Variants in FH observed in about 807,000 individuals in gnomAD.
FH encodes the protein fumarate hydratase, also known as fumarate hydratase, mitochondrial.
A neutral mutation model predicts 49.4 loss-of-function variants in FH; 22 were observed. That is an observed-to-expected ratio of 0.45 (90% CI 0.32 to 0.64). The LOEUF (loss-of-function observed/expected upper bound fraction) is 0.64. Among genes scored for constraint, FH ranks in the 30% least tolerant of loss-of-function variants. FH has a pLI of 0.05. For synonymous variants in FH, 208 were observed against 223.0 expected (o/e 0.93, Z 0.60); for missense variants, 526 against 641.5 (o/e 0.82, Z 1.95).
At chr1:241,507,539 A>T (rs905342291) in intron 5 of FH, among the ~76,000 whole-genome samples, 1 of 152,208 alleles carries the variant, frequency 6.6e-6, no homozygotes, top group Non-Finnish European at 1.5e-5. Flanking sequence ...AATGCTTCTG[A>T]TAAAGTCAAA....
chr1:241,513,371 G>GA (rs1366562513), intron 3 of FH, among the ~76,000 whole-genome samples: 2 of 152,008 alleles, frequency 1.3e-5, no homozygotes, highest in Non-Finnish European at 2.9e-5. Context: ...ATAAATTAAG[G>GA]AAAGTCAAAA....
At chr1:241,513,481 C>T in intron 3 of FH, 122 bp downstream of exon 3, 1 of 815,892 alleles carries the variant, frequency 1.2e-6, no homozygotes, top group Non-Finnish European at 2.2e-6. Flanking sequence ...TGCTACCACC[C>T]TCCCCTGAAA....
chr1:241,508,114 G>A (rs940079317), intron 5 of FH, among the ~76,000 whole-genome samples: 1 of 152,086 alleles, frequency 6.6e-6, no homozygotes, highest in Non-Finnish European at 1.5e-5. Context: ...TACTAATTTA[G>A]GTAAGAAAGA....
At chr1:241,511,877 T>C in intron 4 of FH, 90 bp downstream of exon 4, 2 of 1,284,568 alleles carry the variant, frequency 1.6e-6, no homozygotes, top group South Asian at 1.2e-5. Flanking sequence ...TGAACACTTC[T>C]TGTCAAAAAG....
intron 6 of FH, among the ~76,000 whole-genome samples, 166 bp downstream of exon 6, chr1:241,505,837 A>G (rs543350626): frequency 3.9e-5 from 6 of 152,364 alleles, no homozygotes; most frequent in Admixed American, 2.0e-4. Context: ...TAAAAGGCAA[A>G]TAATTAACAT....
At chr1:241,508,930 G>C in intron 4 of FH, 145 bp from the exon 5 acceptor site, 1 of 654,220 alleles carries the variant, frequency 1.5e-6, no homozygotes, top group East Asian at 2.7e-5. Context: ...GCATGTCATA[G>C]GTGAGTTATT....
intron 6 of FH, among the ~76,000 whole-genome samples, chr1:241,504,912 CTTTTTTT>C (rs780370447): frequency 3.6e-5 from 5 of 138,538 alleles, no homozygotes; most frequent in Non-Finnish European, 7.9e-5. Flanking sequence ...TACCTTTTTT[CTTTTTTT>C]TTTTTTTGAG....
At chr1:241,512,302 T>G (rs1274277539) in intron 3 of FH, among the ~76,000 whole-genome samples, 159 bp from the exon 4 acceptor site, 1 of 152,184 alleles carries the variant, frequency 6.6e-6, no homozygotes, top group East Asian at 1.9e-4. Flanking sequence ...CTATAGTGAA[T>G]GGTATGACAA....
At chr1:241,511,307 A>AGT (rs1660077165) in intron 4 of FH, among the ~76,000 whole-genome samples, 1 of 152,246 alleles carries the variant, frequency 6.6e-6, no homozygotes, top group Non-Finnish European at 1.5e-5. Flanking sequence ...TGAATTGGCC[A>AGT]GTGGCCTGAC....
intron 8 of FH, 74 bp from the exon 9 acceptor site, chr1:241,500,664 T>G: frequency 6.4e-7 from 1 of 1,566,198 alleles, no homozygotes; most frequent in Non-Finnish European, 8.7e-7. Flanking sequence ...ACATGTTTTT[T>G]GTCCAATAAC....
chr1:241,498,002 TTAGC>T, intron 9 of FH, 32 bp from the exon 10 acceptor site: 1 of 1,612,494 alleles, frequency 6.2e-7, no homozygotes, highest in Non-Finnish European at 8.5e-7. Flanking sequence ...GACATATGGG[TTAGC>T]AGTGATATTT....
rs1250096728 is a variant in FH at position 241,517,219 on chromosome 1, A to G, written c.230T>C (p.Met77Thr). ...YYGAQTVRSTMNFKIGGVTER... is the reference protein window; with the variant it reads ...YYGAQTVRSTTNFKIGGVTER... ...TGTCACACCTCCAATCTTAAAGTTCATCGTAGATCTCACGGTCTGGGCGCC... is the reference window on the plus strand; with the variant it reads ...TGTCACACCTCCAATCTTAAAGTTCGTCGTAGATCTCACGGTCTGGGCGCC... Residue 77 changes from methionine to threonine, a missense_variant, in exon 2 of 10, where the codon ATG becomes ACG. This residue lies in a region of FH where 143 missense variants were observed against 127.5 expected (regional missense o/e 1.12). Coordinates refer to ENST00000366560, the MANE Select transcript of FH (RefSeq NM_000143.4). 1.2e-6 allele frequency: 2 copies of G among 1,613,934 alleles called. No homozygotes were observed. Among genetic ancestry groups the G allele is most frequent in the African/African-American group, 2.7e-5 (2 of 74,936 alleles).
intron 9 of FH, among the ~76,000 whole-genome samples, chr1:241,499,179 A>G (rs1316163291): frequency 6.6e-6 from 1 of 152,188 alleles, no homozygotes; most frequent in Non-Finnish European, 1.5e-5. Flanking sequence ...CATAATGAGA[A>G]TATAGGGAAC....
chr1:241,508,874 T>C, intron 4 of FH, 89 bp from the exon 5 acceptor site: 1 of 1,151,676 alleles, frequency 8.7e-7, no homozygotes, highest in Non-Finnish European at 1.3e-6. Flanking sequence ...ATTAAAAAAC[T>C]CTCCAACTAA....
chr1:241,508,899 G>T, intron 4 of FH, 114 bp from the exon 5 acceptor site: 1 of 821,460 alleles, frequency 1.2e-6, no homozygotes, highest in Non-Finnish European at 1.9e-6. Flanking sequence ...TCAAAACCCA[G>T]CTCAGTTACA....
In FH at chr1:241,503,854, C is replaced by A. The variant is rs114855228; in HGVS notation, c.1108+188G>T. On this transcript the variant is annotated intron_variant, in intron 7 of 9. Transcript: ENST00000366560. ...GAAATACTTGCTGCTAAGTCAGATT[C>A]TTTCTTCCTATCTTGTCAGGTGACG... 6.7e-3 allele frequency among the ~76,000 whole-genome samples: 1,023 copies of A among 152,380 alleles called. 5 individuals carry two copies. Among genetic ancestry groups the A allele is most frequent in the South Asian group, 0.011 (51 of 4,832 alleles).
At chr1:241,500,317 A>T in intron 9 of FH, 120 bp downstream of exon 9, 1 of 953,448 alleles carries the variant, frequency 1.0e-6, no homozygotes, top group Non-Finnish European at 1.7e-6. Context: ...TTGAGATTTT[A>T]CTAAAACCAT....
chr1:241,498,599 T>A (rs1573876940), intron 9 of FH, among the ~76,000 whole-genome samples: 1 of 150,148 alleles, frequency 6.7e-6, no homozygotes, highest in Admixed American at 6.7e-5. Flanking sequence ...AAATACAGAC[T>A]GCACAAAAGA....
chr1:241,506,753 G>A (rs1342407643), intron 5 of FH, among the ~76,000 whole-genome samples: 1 of 152,126 alleles, frequency 6.6e-6, no homozygotes, highest in Non-Finnish European at 1.5e-5. Flanking sequence ...AGGAGGTAAC[G>A]GTAGAGTCAG....
Sources: allele counts gnomAD v4.1 joint callset (sites outside exome capture counted in the v4.1 genomes callset), GRCh38; gene constraint gnomAD v4.1.1; regional missense constraint gnomAD v4.1.1; transcripts MANE v1.5; gene names NCBI Gene and HGNC (gene_info 2026-07-23, HGNC 2026-07-21).